The following MAP7D2 variants were observed in gnomAD, a reference collection of about 807,000 sequenced individuals.
The protein encoded by MAP7D2 is MAP7 domain-containing protein 2.
Under a neutral mutation model 63.5 loss-of-function variants are expected in MAP7D2, and 33 were observed. The observed-to-expected ratio is 0.52, with a 90% CI of 0.39 to 0.70. The LOEUF is 0.70. Ranked by LOEUF, MAP7D2 falls within the 30% of genes least tolerant of loss-of-function variation. The probability of loss-of-function intolerance (pLI) is 0.00; values close to 1 mark genes in which losing one functional copy is unlikely to be tolerated. For missense variants in MAP7D2, 626 were observed against 604.0 expected (o/e 1.04, Z -0.38); for synonymous variants, 224 against 223.7 (o/e 1.00, Z -0.01).
At chrX:20,013,844 C>A (rs1475571839) in intron 12 of MAP7D2, among the ~76,000 whole-genome samples, 1 of 112,362 alleles carries the variant, frequency 8.9e-6, no homozygotes, top group African/African-American at 3.2e-5. Context: ...TTAACTAGTA[C>A]GTATCTAGAA....
chrX:20,102,369 C>T (rs5955883), intron 1 of MAP7D2, among the ~76,000 whole-genome samples: 7,546 of 110,636 alleles, frequency 0.068, 617 homozygotes, highest in African/African-American at 0.23. Flanking sequence ...ATGAAGATGG[C>T]AGACACAGAG....
At chrX:20,112,718 G>C (rs2066780039) in intron 1 of MAP7D2, among the ~76,000 whole-genome samples, 1 of 111,050 alleles carries the variant, frequency 9.0e-6, no homozygotes, top group Non-Finnish European at 1.9e-5. Context: ...TGGAACTGCC[G>C]CCTGAGCCAA....
At chrX:20,043,480 G>A (rs909532542) in intron 7 of MAP7D2, among the ~76,000 whole-genome samples, 6 of 111,363 alleles carry the variant, frequency 5.4e-5, no homozygotes, top group African/African-American at 2.0e-4. Flanking sequence ...GGATACTCAA[G>A]CAGCTTTATG....
chrX:20,109,626 C>A lies in MAP7D2; in HGVS notation c.130+7124G>T, dbSNP rs1423267680. Reference sequence around the variant, plus strand: ...GTGTGCCCTTGGGCAAATAACTTAACCTTTCTTCTTTTTTTAATCTCTCAC... The same window carrying A: ...GTGTGCCCTTGGGCAAATAACTTAAACTTTCTTCTTTTTTTAATCTCTCAC... On this transcript the variant is annotated intron_variant, in intron 1 of 16. Transcript: ENST00000379643. 4.5e-5 allele frequency among the ~76,000 whole-genome samples: 5 copies of A among 111,035 alleles called. No individual in the cohort carries two copies. In the East Asian group the frequency reaches 1.1e-3, roughly 25 times the overall value.
At chrX:20,025,534 C>T (rs1430350130) in intron 9 of MAP7D2, 147 bp downstream of exon 9, 9 of 715,872 alleles carry the variant, frequency 1.3e-5, no homozygotes, top group African/African-American at 8.6e-5. Context: ...TCAGGAGCAA[C>T]GTGCAAACCC....
At chrX:20,063,378 G>C (rs1218367122) in intron 3 of MAP7D2, 36 bp downstream of exon 3, 1 of 1,197,679 alleles carries the variant, frequency 8.3e-7, no homozygotes, top group South Asian at 1.8e-5. Flanking sequence ...CTGCTGAGGG[G>C]GCTGGAAGGT....
intron 3 of MAP7D2, among the ~76,000 whole-genome samples, chrX:20,062,107 G>A (rs1326864997): frequency 4.4e-5 from 5 of 112,786 alleles, no homozygotes; most frequent in Non-Finnish European, 9.4e-5. Context: ...GCCAAGCTCA[G>A]CTGAAGTAAC....
intron 8 of MAP7D2, among the ~76,000 whole-genome samples, chrX:20,027,757 GGAGA>G (rs56796954): frequency 0.032 from 2,419 of 76,182 alleles, 138 homozygotes; most frequent in African/African-American, 0.075. Context: ...GAAGGCGGGG[GGAGA>G]GAGAGAGAGA....
chrX:20,074,596 C>T (rs1340610796), intron 1 of MAP7D2, among the ~76,000 whole-genome samples: 1 of 111,751 alleles, frequency 8.9e-6, no homozygotes, highest in Non-Finnish European at 1.9e-5. Context: ...CAGTGTAGGG[C>T]TAAATCTCAA....
At chrX:20,110,092 CTT>C (rs1045247492) in intron 1 of MAP7D2, among the ~76,000 whole-genome samples, 9 of 94,941 alleles carry the variant, frequency 9.5e-5, no homozygotes, top group Non-Finnish European at 8.6e-5. Flanking sequence ...GTTGCACAGA[CTT>C]TTTTTTTTTT....
intron 1 of MAP7D2, among the ~76,000 whole-genome samples, chrX:20,078,111 A>AATAAGCT (rs1298129472): frequency 8.9e-6 from 1 of 112,273 alleles, no homozygotes; most frequent in Admixed American, 9.5e-5. Flanking sequence ...CAATCTGGTA[A>AATAAGCT]ATAAGCTCCC....
intron 10 of MAP7D2, among the ~76,000 whole-genome samples, chrX:20,021,975 A>C (rs929257387): frequency 3.6e-5 from 4 of 112,044 alleles, no homozygotes; most frequent in Admixed American, 2.8e-4. Context: ...TGATCCAAAG[A>C]CTATGTCCCA....
Position 20,015,395 on chromosome X carries a change from C to G in MAP7D2, c.1645-68G>C. 4.5e-6 allele frequency: 4 copies of G among 892,001 alleles called. No individual in the cohort carries two copies. In the East Asian group the frequency reaches 1.2e-4, roughly 28 times the overall value. The allele number at this position is 892,001 out of a possible 1,213,427, so 73.5% of individuals were successfully genotyped here. A position where few individuals can be genotyped will look rare whatever the true frequency, so the allele number is the denominator to read the frequency against. On this transcript the variant is annotated intron_variant, in intron 11 of 16. Coordinates refer to ENST00000379643, the MANE Select transcript of MAP7D2 (RefSeq NM_001168465.2). ...AGAAAACAGTGTGGTAATTCCCTGG[C>G]TTTGCACATGTTCCTTCATCTCATC...
intron 8 of MAP7D2, among the ~76,000 whole-genome samples, chrX:20,036,413 T>C (rs1485842671): frequency 1.9e-5 from 2 of 104,638 alleles, no homozygotes; most frequent in African/African-American, 7.0e-5. Flanking sequence ...TGGCTAATTT[T>C]TTGTATTTTT....
chrX:20,027,070 TG>T (rs1443635870), intron 8 of MAP7D2, among the ~76,000 whole-genome samples: 1 of 112,215 alleles, frequency 8.9e-6, no homozygotes, highest in Non-Finnish European at 1.9e-5. Flanking sequence ...AGGGGAAATA[TG>T]ATCAGATCAA....
At chrX:20,094,494 A>ATATATATATATATATATG (rs2066159628) in intron 1 of MAP7D2, among the ~76,000 whole-genome samples, 4 of 17,312 alleles carry the variant, frequency 2.3e-4, no homozygotes, top group Non-Finnish European at 4.0e-4. Context: ...ATACATATAT[A>ATATATATATATATATATG]TATATATATA....
At chrX:20,052,523 C>G (rs2064974581) in intron 5 of MAP7D2, 1 of 239,464 alleles carries the variant, frequency 4.2e-6, no homozygotes, top group African/African-American at 2.8e-5. Flanking sequence ...GGCTAATCAA[C>G]TGTATTCCAT....
intron 1 of MAP7D2, among the ~76,000 whole-genome samples, chrX:20,098,787 C>A (rs1240959870): frequency 2.7e-5 from 3 of 112,493 alleles, no homozygotes; most frequent in Admixed American, 9.4e-5. Flanking sequence ...GAGTCCAAAT[C>A]CCAGGGGGAC....
At chrX:20,036,433 G>A (rs1357513505) in intron 8 of MAP7D2, among the ~76,000 whole-genome samples, 1 of 103,153 alleles carries the variant, frequency 9.7e-6, no homozygotes, top group African/African-American at 3.5e-5. Flanking sequence ...TTGTAGAGAC[G>A]GGGTTTCACT....
Sources: allele counts gnomAD v4.1 joint callset (sites outside exome capture counted in the v4.1 genomes callset), GRCh38; gene constraint gnomAD v4.1.1; transcripts MANE v1.5; gene names NCBI Gene and HGNC (gene_info 2026-07-23, HGNC 2026-07-21).